The following ANKS1B variants were observed in gnomAD, a reference collection of about 807,000 sequenced individuals.
The protein encoded by ANKS1B is ankyrin repeat and sterile alpha motif domain-containing protein 1B.
ANKS1B carries 36 observed loss-of-function variants against 148.3 expected under a neutral mutation model. The observed-to-expected ratio is 0.24, with a 90% CI of 0.19 to 0.32. The LOEUF is 0.32. Among genes scored for constraint, ANKS1B ranks in the 10% least tolerant of loss-of-function variants. The pLI is 1.00. For synonymous variants in ANKS1B, 542 were observed against 560.8 expected, an observed-to-expected ratio of 0.97 and a Z score of 0.47; for missense variants, 1,157 against 1,542.6, an observed-to-expected ratio of 0.75 and a Z score of 4.19.
At chr12:99,271,819 A>G (rs975052989) in intron 12 of ANKS1B, among the ~76,000 whole-genome samples, 3 of 151,726 alleles carry the variant, frequency 2.0e-5, no homozygotes, top group Non-Finnish European at 2.9e-5. Context: ...GACTGGAGTG[A>G]AGGAAGGATT....
intron 19 of ANKS1B, among the ~76,000 whole-genome samples, chr12:98,810,148 T>G (rs2099083339): frequency 6.6e-6 from 1 of 152,232 alleles, no homozygotes; most frequent in Non-Finnish European, 1.5e-5. Context: ...CCACCAGCCA[T>G]AACTACAGCT....
At position 98,994,507 on chromosome 12, in the gene ANKS1B, C is replaced by T. The variant is rs964171128; in HGVS notation, c.2778+58650G>A. On this transcript the variant is annotated intron_variant, in intron 17 of 26. Coordinates refer to ENST00000683438, the MANE Select transcript of ANKS1B (RefSeq NM_001352186.2). ...TGGTGCGTGCCTGTAATCTCAGCTA[C>T]TCGGAAGGCTGAGGCAGGAGAGAAT... Among the ~76,000 whole-genome samples the T allele has an allele frequency of 1.6e-4, 25 of 152,114 alleles. 1 individual carries two copies. Among genetic ancestry groups the T allele is most frequent in the Admixed American group, 1.3e-3 (20 of 15,258 alleles).
At chr12:99,108,616 T>C (rs953405325) in intron 15 of ANKS1B, among the ~76,000 whole-genome samples, 1 of 152,156 alleles carries the variant, frequency 6.6e-6, no homozygotes, top group East Asian at 1.9e-4. Flanking sequence ...TTTTGTTTCA[T>C]AAAAGATTGA....
intron 9 of ANKS1B, among the ~76,000 whole-genome samples, chr12:99,599,396 G>A (rs2097783020): frequency 6.6e-6 from 1 of 152,024 alleles, no homozygotes; most frequent in Admixed American, 6.6e-5. Context: ...GGGACCAGAT[G>A]ATGATGACTA....
At chr12:99,476,296 G>A (rs2096319653) in intron 10 of ANKS1B, among the ~76,000 whole-genome samples, 1 of 152,144 alleles carries the variant, frequency 6.6e-6, no homozygotes, top group Admixed American at 6.5e-5. Context: ...GGGAGGCTAA[G>A]GCGGGAGAAT....
rs66516058 is a variant in ANKS1B at position 99,657,659 on chromosome 12, A to ATATATATATATATATATATATATATATT, written c.1129-2450_1129-2449insAATATATATATATATATATATATATATA. On this transcript the variant is annotated intron_variant, in intron 8 of 26. Transcript: ENST00000683438. ...AATCTGAAAGAGTATATATATATAT[A>ATATATATATATATATATATATATATATT]TGATAAAGTTGTTCACAGGAATAAA... 1.1e-3 allele frequency among the ~76,000 whole-genome samples: 160 copies of ATATATATATATATATATATATATATATT among 146,806 alleles called. 1 individual carries two copies. Among genetic ancestry groups the ATATATATATATATATATATATATATATT allele is most frequent in the African/African-American group, 3.4e-3 (135 of 39,364 alleles).
chr12:99,394,158 C>T (rs1399572214), intron 12 of ANKS1B, among the ~76,000 whole-genome samples: 1 of 152,182 alleles, frequency 6.6e-6, no homozygotes, highest in Non-Finnish European at 1.5e-5. Context: ...TTTCCTCAAA[C>T]TCTACATTTC....
intron 12 of ANKS1B, among the ~76,000 whole-genome samples, chr12:99,322,619 G>A (rs1260973634): frequency 2.0e-5 from 3 of 151,894 alleles, no homozygotes; most frequent in Non-Finnish European, 2.9e-5. Context: ...TGAATACCTC[G>A]CTATTCCATG....
chr12:99,569,800 T>C (rs1285629809), intron 9 of ANKS1B, among the ~76,000 whole-genome samples: 1 of 152,206 alleles, frequency 6.6e-6, no homozygotes, highest in Admixed American at 6.5e-5. Flanking sequence ...GAGGCCTCTG[T>C]TGAGCCAGCC....
chr12:99,575,781 A>C (rs916473804), intron 9 of ANKS1B, among the ~76,000 whole-genome samples: 1 of 152,050 alleles, frequency 6.6e-6, no homozygotes, highest in African/African-American at 2.4e-5. Flanking sequence ...CATATCAAGT[A>C]CTTTCCACCA....
chr12:98,920,196 T>C lies in ANKS1B; in HGVS notation c.2779-88060A>G, dbSNP rs187223531. On this transcript the variant is annotated intron_variant, in intron 17 of 26. Transcript: ENST00000683438. ...CTGTCTTACTCTTCACATGGCATTC[T>C]CTGTAAAGCCACACTATTTGCTTAG... 2.4e-4 allele frequency among the ~76,000 whole-genome samples: 36 copies of C among 152,326 alleles called. No homozygotes were observed. In the East Asian group the frequency reaches 6.7e-3, roughly 29 times the overall value.
intron 15 of ANKS1B, among the ~76,000 whole-genome samples, chr12:99,134,540 T>C (rs1220269975): frequency 2.6e-5 from 4 of 151,802 alleles, no homozygotes; most frequent in South Asian, 4.2e-4. Flanking sequence ...GTCTGTGTAT[T>C]GAACAGCTGC....
intron 9 of ANKS1B, among the ~76,000 whole-genome samples, chr12:99,530,240 C>T (rs540226083): frequency 5.3e-5 from 8 of 152,306 alleles, no homozygotes; most frequent in Admixed American, 1.3e-4. Flanking sequence ...GAAGCAGATA[C>T]TGGTTTAGGC....
At chr12:99,014,813 A>C (rs1289020628) in intron 17 of ANKS1B, among the ~76,000 whole-genome samples, 2 of 152,248 alleles carry the variant, frequency 1.3e-5, no homozygotes, top group African/African-American at 4.8e-5. Flanking sequence ...AATCAAAGCC[A>C]CAATAAGATA....
chr12:99,984,593 G>T lies in ANKS1B; in HGVS notation c.-356C>A, dbSNP rs193145272. ...TGAGGAGCGGGAGGAGGGTGGTGAGGACTGAGGTCGGAGGAGGAGGAGGAG... is the reference window on the plus strand; with the variant it reads ...TGAGGAGCGGGAGGAGGGTGGTGAGTACTGAGGTCGGAGGAGGAGGAGGAG... On this transcript the variant is annotated 5_prime_UTR_variant, in exon 1 of 27. Coordinates refer to ENST00000683438, the MANE Select transcript of ANKS1B (RefSeq NM_001352186.2). The T allele has an allele frequency of 7.3e-4, 144 of 196,832 alleles. No individual in the cohort carries two copies. Among genetic ancestry groups the T allele is most frequent in the African/African-American group, 3.2e-3 (138 of 43,746 alleles). 12.2% of individuals were successfully genotyped at this position (196,832 alleles called of 1,614,324 possible). A position where few individuals can be genotyped will look rare whatever the true frequency, so the allele number is the denominator to read the frequency against.
intron 15 of ANKS1B, among the ~76,000 whole-genome samples, chr12:99,126,665 G>A (rs917672878): frequency 3.3e-5 from 5 of 152,246 alleles, no homozygotes; most frequent in Admixed American, 1.3e-4. Flanking sequence ...ACTCTTCTAC[G>A]CCAGTTCGAC....
intron 10 of ANKS1B, among the ~76,000 whole-genome samples, chr12:99,454,001 A>G (rs915037608): frequency 6.6e-6 from 1 of 152,242 alleles, no homozygotes; most frequent in Non-Finnish European, 1.5e-5. Context: ...AATGAGTGCC[A>G]TCAAGAACTC....
At chr12:98,758,401 A>G (rs1277325546) in intron 25 of ANKS1B, among the ~76,000 whole-genome samples, 2 of 152,254 alleles carry the variant, frequency 1.3e-5, no homozygotes, top group Non-Finnish European at 2.9e-5. Context: ...AATCTGTTTT[A>G]AAAAGTTTAA....
chr12:99,540,897 C>CA (rs551598478), intron 9 of ANKS1B, among the ~76,000 whole-genome samples: 21 of 146,096 alleles, frequency 1.4e-4, no homozygotes, highest in African/African-American at 3.8e-4. Context: ...GTAGACTGAA[C>CA]AAAAAAAAAG....
Sources: allele counts gnomAD v4.1 joint callset (sites outside exome capture counted in the v4.1 genomes callset), GRCh38; gene constraint gnomAD v4.1.1; transcripts MANE v1.5; gene names NCBI Gene and HGNC (gene_info 2026-07-23, HGNC 2026-07-21).